The following SMAD9 variants were observed in gnomAD, a reference collection of about 807,000 sequenced individuals.
SMAD9 encodes the protein MAD homolog 9.
In SMAD9, 36 loss-of-function variants were observed where a neutral mutation model predicts 46.1. The ratio of observed to expected loss-of-function variants is 0.78; its 90% CI spans 0.60 to 1.03. The LOEUF (loss-of-function observed/expected upper bound fraction) is 1.03, where lower values mean the gene tolerates loss of function less well. Among genes scored for constraint, SMAD9 ranks in the 50% least tolerant of loss-of-function variants. The pLI, the probability that SMAD9 is intolerant of heterozygous loss-of-function variation, is 0.00. For synonymous variants in SMAD9, 245 were observed against 237.1 expected, an observed-to-expected ratio of 1.03 and a Z score of -0.31; for missense variants, 572 against 599.8, an observed-to-expected ratio of 0.95 and a Z score of 0.48.
At chr13:36,889,740 A>G (rs1218877700) in intron 1 of SMAD9, among the ~76,000 whole-genome samples, 1 of 152,196 alleles carries the variant, frequency 6.6e-6, no homozygotes, top group Non-Finnish European at 1.5e-5. Flanking sequence ...CTATTTTAGC[A>G]TGAATGATTA....
intron 3 of SMAD9, among the ~76,000 whole-genome samples, chr13:36,872,372 TA>T (rs55908547): frequency 2.8e-4 from 40 of 144,076 alleles, no homozygotes; most frequent in Non-Finnish European, 3.2e-4. Flanking sequence ...TCTACTGCCT[TA>T]AAAAAAAAAA....
At chr13:36,915,693 C>A (rs937092441) in intron 1 of SMAD9, among the ~76,000 whole-genome samples, 1 of 152,128 alleles carries the variant, frequency 6.6e-6, no homozygotes, top group Non-Finnish European at 1.5e-5. Flanking sequence ...TAAATGTGGG[C>A]TGGGAATGAG....
In SMAD9 at chr13:36,853,545, G is replaced by A. The variant is rs111587616; in HGVS notation, c.1134C>T (p.Ser378=). 81 of 1,614,156 alleles carry A rather than the reference G, an allele frequency of 5.0e-5. No individual in the cohort carries two copies. The African/African-American group carries it at 5.5e-4, about 11-fold the overall frequency. ...FHPATVCKIP[S]GCSLKVFNNQ... is the part of the protein sequence containing the mutation. ...TGTTGAAGACCTTGAGGCTGCAGCC[G>A]CTGGGGATCTTGCAGACGGTAGCTG... The change falls in exon 6 of 7, where the codon AGC becomes AGT. Residue 378 remains serine (S), a synonymous_variant. Coordinates refer to ENST00000379826, the MANE Select transcript of SMAD9 (RefSeq NM_001127217.3).
At chr13:36,889,424 T>G (rs2058472550) in intron 1 of SMAD9, among the ~76,000 whole-genome samples, 5 of 152,196 alleles carry the variant, frequency 3.3e-5, no homozygotes, top group Admixed American at 2.0e-4. Flanking sequence ...GAGCTCCTAC[T>G]TGTCCTAAAA....
chr13:36,891,158 A>G (rs992245492), intron 1 of SMAD9, among the ~76,000 whole-genome samples: 7 of 152,174 alleles, frequency 4.6e-5, no homozygotes, highest in African/African-American at 1.7e-4. Context: ...TAGTCCTACT[A>G]AAAACATGTT....
At chr13:36,849,296 T>A (rs2058056296) in intron 6 of SMAD9, 1 of 150,250 alleles carries the variant, frequency 6.7e-6, no homozygotes, top group African/African-American at 2.5e-5. Flanking sequence ...TCTCTCTCTC[T>A]AGTTCAACTG....
intron 5 of SMAD9, among the ~76,000 whole-genome samples, chr13:36,862,177 C>A (rs2058188907): frequency 6.6e-6 from 1 of 152,096 alleles, no homozygotes; most frequent in Admixed American, 6.6e-5. Context: ...GCCATTTGAA[C>A]CAGAGCAACT....
At chr13:36,865,882 C>T (rs1472947568) in intron 4 of SMAD9, 124 bp from the exon 5 acceptor site, 13 of 776,382 alleles carry the variant, frequency 1.7e-5, no homozygotes, top group Middle Eastern at 2.8e-4. Flanking sequence ...CCAAGCATGC[C>T]GCTCTGCAAT....
chr13:36,894,685 A>G (rs985297712), intron 1 of SMAD9, among the ~76,000 whole-genome samples: 6 of 151,966 alleles, frequency 3.9e-5, no homozygotes. Context: ...ACCTCCATGG[A>G]GTCCTCCTGA....
chr13:36,879,434 C>T lies in SMAD9; in HGVS notation c.256G>A (p.Gly86Ser). 6.2e-7 allele frequency: 1 copy of T among 1,613,824 alleles called. No individual in the cohort carries two copies. The highest frequency in any genetic ancestry group is 8.5e-7 in the Non-Finnish European group (1 of 1,180,036). Residue 86 changes from glycine (G) to serine (S), a missense_variant, in exon 2 of 7, where the codon GGC becomes AGC. Transcript: ENST00000379826. ...CGACAGTAAATCACATGGGGCAGGC[C>T]CTTGCGGTGGGACACCTGCAGCCGC... is the stretch of plus-strand genomic sequence containing the variant. ...DGRLQVSHRK[G>S]LPHVIYCRVW...
At chr13:36,866,006 A>G (rs2058230618) in intron 4 of SMAD9, among the ~76,000 whole-genome samples, 1 of 152,154 alleles carries the variant, frequency 6.6e-6, no homozygotes, top group Admixed American at 6.6e-5. Flanking sequence ...GAGCATTTAT[A>G]AATGTGTATT....
chr13:36,887,052 T>G (rs1440768476), intron 1 of SMAD9, among the ~76,000 whole-genome samples: 1 of 141,702 alleles, frequency 7.1e-6, no homozygotes, highest in Admixed American at 7.1e-5. Flanking sequence ...TTTTTTTTTT[T>G]TTTTTTTTTT....
At chr13:36,893,873 T>C (rs1157686544) in intron 1 of SMAD9, among the ~76,000 whole-genome samples, 1 of 152,108 alleles carries the variant, frequency 6.6e-6, no homozygotes, top group East Asian at 1.9e-4. Flanking sequence ...TGTCATATTA[T>C]ATTATATGTT....
rs746008175 is a variant in SMAD9, at chr13:36,872,961, T to C, written c.413-46A>G. On this transcript the variant is annotated intron_variant, in intron 2 of 6. Transcript: ENST00000379826. ...GGCAGTTAGAATTGAACATTGCTCA[T>C]CAGTACACAACAGAGTGGATACTTG... 3 of 1,607,104 alleles carry C rather than the reference T, an allele frequency of 1.9e-6. No individual in the cohort carries two copies. In the South Asian group the frequency reaches 3.3e-5, roughly 18 times the overall value.
intron 5 of SMAD9, among the ~76,000 whole-genome samples, chr13:36,859,868 G>A (rs1460049306): frequency 2.0e-5 from 3 of 151,788 alleles, no homozygotes; most frequent in Admixed American, 1.3e-4. Flanking sequence ...GCTGAGGCAG[G>A]AGAATCGCTT....
chr13:36,873,772 A>T (rs1041717927), intron 2 of SMAD9, among the ~76,000 whole-genome samples: 9 of 152,172 alleles, frequency 5.9e-5, no homozygotes, highest in African/African-American at 1.9e-4. Context: ...CTGAGGCAGG[A>T]GAATCGCTTG....
Sources: gnomAD v4.1 joint callset for allele counts (sites outside exome capture counted in the v4.1 genomes callset) on GRCh38, gnomAD v4.1.1 for gene constraint, MANE v1.5 for transcripts, NCBI Gene and HGNC (gene_info 2026-07-23, HGNC 2026-07-21) for gene names.